Variants in RAB3C observed in about 807,000 individuals in gnomAD.
RAB3C encodes the protein ras-related protein Rab-3C.
RAB3C carries 17 observed loss-of-function variants against 26.4 expected under a neutral mutation model. That is an observed-to-expected ratio of 0.64 (90% CI 0.44 to 0.97). RAB3C has a LOEUF of 0.97. RAB3C is among the 50% of genes least tolerant of loss of function. RAB3C has a pLI of 0.00. For missense variants in RAB3C, 242 were observed against 281.9 expected (o/e 0.86, Z 1.01); for synonymous variants, 91 against 95.9 (o/e 0.95, Z 0.30).
chr5:58,818,386 T>G (rs1417302391), intron 3 of RAB3C, among the ~76,000 whole-genome samples: 1 of 152,222 alleles, frequency 6.6e-6, no homozygotes, highest in Admixed American at 6.5e-5. Flanking sequence ...CATCCCAGCT[T>G]TTTTGAGACT....
intron 4 of RAB3C, among the ~76,000 whole-genome samples, chr5:58,844,811 A>C (rs1490358594): frequency 8.5e-5 from 13 of 152,224 alleles, no homozygotes. Context: ...TACAGAAAAA[A>C]AAATATCACT....
intron 1 of RAB3C, among the ~76,000 whole-genome samples, chr5:58,591,898 A>ATT (rs36103498): frequency 1.7e-5 from 2 of 118,612 alleles, no homozygotes; most frequent in East Asian, 2.7e-4. Flanking sequence ...TTCTTTTTCT[A>ATT]TTTTTTTTTT....
At chr5:58,811,389 AAGAT>A (rs1055989364) in intron 3 of RAB3C, among the ~76,000 whole-genome samples, 2 of 151,992 alleles carry the variant, frequency 1.3e-5, no homozygotes, top group Non-Finnish European at 1.5e-5. Flanking sequence ...CTGTGTGTGT[AAGAT>A]AGAGAGAGGA....
In RAB3C at chr5:58,634,924, T is replaced by C. The variant is rs561958733; in HGVS notation, c.252+17054T>C. Among the ~76,000 whole-genome samples, 38 of 152,264 alleles carry C rather than the reference T, an allele frequency of 2.5e-4. No homozygotes were observed. The East Asian group carries it at 7.0e-3, about 28-fold the overall frequency. ...CTTATTTCAAGATGAAGACTTTTAA[T>C]TGGACTAAAATAAACTGATAGAGAT... is the stretch of plus-strand genomic sequence containing the variant. On this transcript the variant is annotated intron_variant, in intron 2 of 4. Coordinates refer to ENST00000282878, the MANE Select transcript of RAB3C (RefSeq NM_138453.4).
intron 2 of RAB3C, among the ~76,000 whole-genome samples, chr5:58,626,084 T>A (rs915619427): frequency 3.3e-5 from 5 of 152,192 alleles, no homozygotes; most frequent in African/African-American, 9.7e-5. Flanking sequence ...CATCTGATGA[T>A]GTTTTCTGTA....
chr5:58,681,177 A>G (rs1191531287), intron 2 of RAB3C, among the ~76,000 whole-genome samples: 4 of 152,244 alleles, frequency 2.6e-5, no homozygotes, highest in African/African-American at 7.2e-5. Flanking sequence ...TGACCAAAGA[A>G]GGAAATAGTG....
chr5:58,794,285 T>C (rs547501518), intron 3 of RAB3C: 16 of 151,292 alleles, frequency 1.1e-4, no homozygotes, highest in Non-Finnish European at 2.1e-4. Flanking sequence ...TTTGTGGTTC[T>C]TCAGACAGAA....
At chr5:58,726,168 T>A in intron 3 of RAB3C, 48 bp downstream of exon 3, 1 of 959,860 alleles carries the variant, frequency 1.0e-6, no homozygotes, top group Non-Finnish European at 1.6e-6. Context: ...GGTTCTCCGG[T>A]CAACTCTGTC....
At chr5:58,767,621 A>G (rs1191307948) in intron 3 of RAB3C, among the ~76,000 whole-genome samples, 1 of 152,228 alleles carries the variant, frequency 6.6e-6, no homozygotes, top group Admixed American at 6.5e-5. Context: ...CATTTTACAA[A>G]TCAGTTGAAG....
At chr5:58,669,152 GA>G (rs1748061895) in intron 2 of RAB3C, among the ~76,000 whole-genome samples, 1 of 151,960 alleles carries the variant, frequency 6.6e-6, no homozygotes, top group Admixed American at 6.6e-5. Context: ...ATTTTGGGGG[GA>G]CAAAATTTAG....
intron 4 of RAB3C, among the ~76,000 whole-genome samples, chr5:58,844,264 A>G (rs1376364273): frequency 6.6e-6 from 1 of 152,226 alleles, no homozygotes; most frequent in Non-Finnish European, 1.5e-5. Context: ...TGTTAAGGCC[A>G]TAGACTGACC....
At chr5:58,840,696 T>C (rs1743857622) in intron 4 of RAB3C, among the ~76,000 whole-genome samples, 1 of 152,176 alleles carries the variant, frequency 6.6e-6, no homozygotes, top group African/African-American at 2.4e-5. Flanking sequence ...GTACTCTCCA[T>C]GTAGTTTCTT....
chr5:58,664,020 T>A (rs2111811437), intron 2 of RAB3C, among the ~76,000 whole-genome samples: 1 of 152,336 alleles, frequency 6.6e-6, no homozygotes, highest in South Asian at 2.1e-4. Context: ...TTACATATTT[T>A]GGAATAGGGA....
At chr5:58,741,413 T>C (rs1230331447) in intron 3 of RAB3C, among the ~76,000 whole-genome samples, 1 of 152,096 alleles carries the variant, frequency 6.6e-6, no homozygotes, top group Non-Finnish European at 1.5e-5. Flanking sequence ...CATCATGTCT[T>C]TGGTCTTCCT....
At chr5:58,790,351 G>A (rs1423631076) in intron 3 of RAB3C, among the ~76,000 whole-genome samples, 3 of 152,180 alleles carry the variant, frequency 2.0e-5, no homozygotes, top group African/African-American at 4.8e-5. Flanking sequence ...GATTTCAAAA[G>A]AGTAGCAAAT....
At position 58,859,340 on chromosome 5, in the gene RAB3C, G is replaced by C. The variant is rs555518435; in HGVS notation, c.*7989G>C. 4 of 152,290 alleles carry C rather than the reference G, an allele frequency of 2.6e-5. No homozygotes were observed. The South Asian group carries it at 8.3e-4, about 32-fold the overall frequency. 9.4% of individuals were successfully genotyped at this position (152,290 alleles called of 1,614,324 possible). A position where few individuals can be genotyped will look rare whatever the true frequency, so the allele number is the denominator to read the frequency against. ...AAAGAAAGTGGTTTTTGTTCTTTGA[G>C]TTTGTTTTATTTCTTGAAGATTACA... is the stretch of plus-strand genomic sequence containing the variant. On this transcript the variant is annotated 3_prime_UTR_variant, in exon 5 of 5. Coordinates refer to ENST00000282878, the MANE Select transcript of RAB3C (RefSeq NM_138453.4).
chr5:58,693,258 T>C (rs1191820390), intron 2 of RAB3C, among the ~76,000 whole-genome samples: 1 of 145,320 alleles, frequency 6.9e-6, no homozygotes, highest in Non-Finnish European at 1.5e-5. Context: ...AATTTAATTA[T>C]ATAAATATAA....
At chr5:58,723,545 T>C (rs979732589) in intron 2 of RAB3C, among the ~76,000 whole-genome samples, 3 of 151,812 alleles carry the variant, frequency 2.0e-5, no homozygotes, top group Admixed American at 6.6e-5. Context: ...AACACACAAA[T>C]TGGGAAAGAG....
At chr5:58,666,876 A>T (rs1748013041) in intron 2 of RAB3C, among the ~76,000 whole-genome samples, 1 of 152,222 alleles carries the variant, frequency 6.6e-6, no homozygotes, top group African/African-American at 2.4e-5. Flanking sequence ...TGAAAACAGC[A>T]GTGAGGTGAT....
Sources: allele counts gnomAD v4.1 joint callset (sites outside exome capture counted in the v4.1 genomes callset), GRCh38; gene constraint gnomAD v4.1.1; transcripts MANE v1.5; gene names NCBI Gene and HGNC (gene_info 2026-07-23, HGNC 2026-07-21).